EPHB1: variants seen among roughly 807,000 people sequenced by gnomAD.
The protein encoded by EPHB1 is EPH receptor B1.
EPHB1 carries 30 observed loss-of-function variants against 94.4 expected under a neutral mutation model. That is an observed-to-expected ratio of 0.32 (90% confidence interval 0.24 to 0.43). EPHB1 has a LOEUF of 0.43. EPHB1 is among the 20% of genes least tolerant of loss of function. EPHB1 has a pLI of 1.00. For missense variants in EPHB1, 1,055 were observed against 1,308.3 expected (o/e 0.81, Z 2.99); for synonymous variants, 522 against 489.1 (o/e 1.07, Z -0.89).
chr3:134,904,488 G>T (rs1284364897), intron 1 of EPHB1, among the ~76,000 whole-genome samples: 1 of 138,200 alleles, frequency 7.2e-6, no homozygotes, highest in Non-Finnish European at 1.5e-5. Flanking sequence ...GGTCTGTGGT[G>T]GGGGGTGGCA....
At chr3:134,814,187 T>G (rs902259966) in intron 1 of EPHB1, among the ~76,000 whole-genome samples, 1 of 152,128 alleles carries the variant, frequency 6.6e-6, no homozygotes, top group African/African-American at 2.4e-5. Context: ...AACCTGAATG[T>G]CTGGTTGTGG....
intron 3 of EPHB1, among the ~76,000 whole-genome samples, chr3:135,025,070 GATT>G (rs1936104734): frequency 6.9e-6 from 1 of 145,308 alleles, no homozygotes; most frequent in African/African-American, 2.5e-5. Flanking sequence ...AGCGTGTTTA[GATT>G]ATTATATCTA....
intron 3 of EPHB1, among the ~76,000 whole-genome samples, chr3:134,965,950 G>A (rs1407025296): frequency 2.0e-5 from 3 of 152,156 alleles, no homozygotes; most frequent in Admixed American, 2.0e-4. Flanking sequence ...CAGTGGCCAG[G>A]CCTCTTCAGA....
intron 3 of EPHB1, among the ~76,000 whole-genome samples, chr3:135,050,269 C>T (rs956319776): frequency 2.6e-5 from 4 of 152,118 alleles, no homozygotes; most frequent in Non-Finnish European, 5.9e-5. Flanking sequence ...TTAGACGTGA[C>T]TCTCTTGAAA....
chr3:135,046,899 G>A (rs1303999654), intron 3 of EPHB1, among the ~76,000 whole-genome samples: 2 of 152,188 alleles, frequency 1.3e-5, no homozygotes, highest in African/African-American at 2.4e-5. Context: ...TATTGTAAAA[G>A]GCAAGGAAAC....
chr3:134,860,395 A>G (rs2037228666), intron 1 of EPHB1, among the ~76,000 whole-genome samples: 1 of 152,178 alleles, frequency 6.6e-6, no homozygotes, highest in Non-Finnish European at 1.5e-5. Context: ...CTGGTTGGAG[A>G]CATGGAAAGA....
At chr3:135,007,413 C>T (rs112925969) in intron 3 of EPHB1, among the ~76,000 whole-genome samples, 15 of 152,256 alleles carry the variant, frequency 9.9e-5, no homozygotes, top group African/African-American at 3.4e-4. Flanking sequence ...GGCCAATTAC[C>T]TGCAAAAATA....
At position 134,882,765 on chromosome 3, in the gene EPHB1, C is replaced by CCTTTCTTTCTTCTTTCTTT. The variant is rs1553861898; in HGVS notation, c.59-43040_59-43039insCTTTCTTTCTTTCTTTCTT. Among the ~76,000 whole-genome samples the CCTTTCTTTCTTCTTTCTTT allele has an allele frequency of 2.1e-3, 168 of 79,926 alleles. 10 individuals are homozygous for CCTTTCTTTCTTCTTTCTTT. Among genetic ancestry groups the CCTTTCTTTCTTCTTTCTTT allele is most frequent in the South Asian group, 7.9e-3 (16 of 2,020 alleles). The allele number at this position is 79,926 out of a possible 152,430, so 52.4% of individuals were successfully genotyped here. On this transcript the variant is annotated intron_variant, in intron 1 of 15. Transcript: ENST00000398015. Reference sequence around the variant, plus strand: ...TTCTTTCTTCCTTTCTTCCTTCCTTCCTTTCTTTCTTTCTTTCTTTCTTTC... The same window carrying CCTTTCTTTCTTCTTTCTTT: ...TTCTTTCTTCCTTTCTTCCTTCCTTCCTTTCTTTCTTCTTTCTTTCTTTCTTTCTTTCTTTCTTTCTTTC...
intron 3 of EPHB1, among the ~76,000 whole-genome samples, chr3:135,069,019 CGTG>C (rs1483417809): frequency 5.5e-5 from 8 of 146,114 alleles, no homozygotes; most frequent in African/African-American, 2.0e-4. Flanking sequence ...TTTGGCCGGG[CGTG>C]AGCCACTGTG....
rs144081751 is a variant in EPHB1 at position 135,213,353 on chromosome 3, G to A, written c.2346+11664G>A. On this transcript the variant is annotated intron_variant, in intron 12 of 15. Coordinates refer to ENST00000398015, the MANE Select transcript of EPHB1 (RefSeq NM_004441.5). ...TTAAGAGAAACAGACAAATGAGCTA[G>A]GCTGGACTCTGAACACTTGCATGGT... 7.1e-4 allele frequency among the ~76,000 whole-genome samples: 108 copies of A among 152,344 alleles called. 1 individual carries two copies. In the East Asian group the frequency reaches 0.02, roughly 28 times the overall value.
chr3:135,147,494 C>T (rs561341521), intron 5 of EPHB1, among the ~76,000 whole-genome samples: 6 of 152,298 alleles, frequency 3.9e-5, no homozygotes, highest in African/African-American at 1.2e-4. Context: ...TTCTCCCAGA[C>T]AAAGCAATGC....
chr3:134,860,090 T>G (rs967418770), intron 1 of EPHB1, among the ~76,000 whole-genome samples: 2 of 151,728 alleles, frequency 1.3e-5, no homozygotes, highest in African/African-American at 2.4e-5. Context: ...TTTGAACACT[T>G]TTTAGCTGTT....
chr3:134,858,703 C>T lies in EPHB1; in HGVS notation c.58+63014C>T, dbSNP rs116691806. Among the ~76,000 whole-genome samples, 1,388 of 152,276 alleles carry T rather than the reference C, an allele frequency of 9.1e-3. 22 individuals carry two copies. Among genetic ancestry groups the T allele is most frequent in the African/African-American group, 0.031 (1,307 of 41,532 alleles). On this transcript the variant is annotated intron_variant, in intron 1 of 15. Transcript: ENST00000398015. ...GAATGATAGACCCCTTGGAGCTGGTCGAATCCACTTATCCTGCTGTTGAGG... is the reference window on the plus strand; with the variant it reads ...GAATGATAGACCCCTTGGAGCTGGTTGAATCCACTTATCCTGCTGTTGAGG...
intron 3 of EPHB1, among the ~76,000 whole-genome samples, chr3:135,053,019 GTGTGTGTGTATA>G (rs1937231715): frequency 1.5e-5 from 1 of 68,384 alleles, no homozygotes; most frequent in African/African-American, 7.7e-5. Context: ...ATATATGTGT[GTGTGTGTGTATA>G]TATATATATA....
intron 2 of EPHB1, among the ~76,000 whole-genome samples, chr3:134,931,784 T>C (rs2038907476): frequency 6.6e-6 from 1 of 152,208 alleles, no homozygotes; most frequent in South Asian, 2.1e-4. Context: ...TGTATATTTG[T>C]GTATGTACAT....
At chr3:135,232,803 A>G (rs1451869081) in intron 12 of EPHB1, among the ~76,000 whole-genome samples, 2 of 152,178 alleles carry the variant, frequency 1.3e-5, no homozygotes, top group African/African-American at 2.4e-5. Context: ...ACTTACAATC[A>G]TGGTGGAAGG....
intron 1 of EPHB1, among the ~76,000 whole-genome samples, chr3:134,919,807 C>T (rs1400207082): frequency 1.3e-5 from 2 of 151,832 alleles, no homozygotes; most frequent in Non-Finnish European, 2.9e-5. Flanking sequence ...TTAATATATC[C>T]CACTCTTGCC....
At chr3:134,847,465 C>A (rs1246037903) in intron 1 of EPHB1, among the ~76,000 whole-genome samples, 1 of 152,232 alleles carries the variant, frequency 6.6e-6, no homozygotes, top group Non-Finnish European at 1.5e-5. Flanking sequence ...AAGTGAGATG[C>A]TGTGTCTAAG....
At chr3:135,252,916 T>C (rs2107733575) in intron 15 of EPHB1, among the ~76,000 whole-genome samples, 1 of 149,546 alleles carries the variant, frequency 6.7e-6, no homozygotes, top group East Asian at 2.0e-4. Context: ...TTCTAACTGG[T>C]GTGAGATGGT....
Sources: gnomAD v4.1 joint callset for allele counts (sites outside exome capture counted in the v4.1 genomes callset) on GRCh38, gnomAD v4.1.1 for gene constraint, MANE v1.5 for transcripts, NCBI Gene and HGNC (gene_info 2026-07-23, HGNC 2026-07-21) for gene names.